ADCY9: variants seen among roughly 807,000 people sequenced by gnomAD.
The protein encoded by ADCY9 is adenylate cyclase 9.
ADCY9 carries 50 observed loss-of-function variants against 101.5 expected under a neutral mutation model. The ratio of observed to expected loss-of-function variants is 0.49; its 90% confidence interval spans 0.39 to 0.62. The LOEUF (loss-of-function observed/expected upper bound fraction) is 0.62. ADCY9 is among the 20% of genes least tolerant of loss of function. ADCY9 has a pLI of 0.00. For missense variants in ADCY9, 1,662 were observed against 1,800.4 expected, an observed-to-expected ratio of 0.92 and a Z score of 1.39; for synonymous variants, 905 against 769.3, an observed-to-expected ratio of 1.18 and a Z score of -2.92.
At chr16:3,991,976 C>T (rs2056247923) in intron 5 of ADCY9, among the ~76,000 whole-genome samples, 170 bp downstream of exon 5, 1 of 151,950 alleles carries the variant, frequency 6.6e-6, no homozygotes, top group South Asian at 2.1e-4. Context: ...GAGGCTGAGG[C>T]AGGAGCATCG....
chr16:3,979,399 C>T (rs1195415696), intron 7 of ADCY9, 124 bp from the exon 8 acceptor site: 2 of 1,184,822 alleles, frequency 1.7e-6, no homozygotes, highest in Non-Finnish European at 2.4e-6. Context: ...CTGGGATGGG[C>T]GTGAGAGCAG....
downstream of ADCY9, among the ~76,000 whole-genome samples, chr16:3,962,127 G>A (rs1031972040): frequency 1.3e-5 from 2 of 152,192 alleles, no homozygotes; most frequent in Non-Finnish European, 2.9e-5. Flanking sequence ...AGATGCGGGA[G>A]TGTGGTGAAC....
intron 2 of ADCY9, among the ~76,000 whole-genome samples, chr16:4,027,214 C>T (rs936756354): frequency 1.3e-5 from 2 of 152,228 alleles, no homozygotes; most frequent in East Asian, 1.9e-4. Flanking sequence ...GCTCCCACTC[C>T]GTGGAGTGTA....
intron 6 of ADCY9, among the ~76,000 whole-genome samples, chr16:3,985,903 G>A (rs146202957): frequency 5.9e-5 from 9 of 152,066 alleles, no homozygotes; most frequent in Non-Finnish European, 7.4e-5. Context: ...TGTGCATCCC[G>A]GGAGTGCCAC....
intron 2 of ADCY9, among the ~76,000 whole-genome samples, chr16:4,084,521 A>T (rs8059483): frequency 0.53 from 81,078 of 151,724 alleles, 22,094 homozygotes; most frequent in African/African-American, 0.62. Flanking sequence ...AGGCCAGGAG[A>T]TTGAAACCAG....
Position 3,966,951 on chromosome 16 carries a change from C to T in ADCY9, c.2886G>A (p.Pro962=), listed in dbSNP as rs543961728. The stretch of plus-strand genomic sequence containing the variant: ...GGTCACGCGGCACCGAACTATTGCA[C>T]GGGTTCCTCTCGGAACTGGAGAGCA... ...AVQNFSSERN[P]CNSSVPRDLR... Residue 962 remains proline, a synonymous_variant, in exon 11 of 11, where the codon CCG becomes CCA. Transcript: ENST00000294016. 8.6e-5 allele frequency: 138 copies of T among 1,611,936 alleles called. No individual in the cohort carries two copies. The Admixed American group carries it at 1.3e-3, about 15-fold the overall frequency.
In ADCY9 at chr16:4,007,355, CAAAA is replaced by C. The variant is rs1170208160; in HGVS notation, c.1884+9_1884+12del. The C allele has an allele frequency of 6.6e-7, 1 of 1,510,124 alleles. No homozygotes were observed. Among genetic ancestry groups the C allele is most frequent in the Admixed American group, 2.4e-5 (1 of 42,518 alleles). 93.5% of individuals were successfully genotyped at this position (1,510,124 alleles called of 1,614,324 possible). A position where few individuals can be genotyped will look rare whatever the true frequency, so the allele number is the denominator to read the frequency against. On this transcript the variant is annotated intron_variant, in intron 3 of 10. Coordinates refer to ENST00000294016, the MANE Select transcript of ADCY9 (RefSeq NM_001116.4). ...AGTTTTAGAAGTAGGAAAAAAAAAA[CAAAA>C]AAACTAACCTTAAGGTTATCAAAGG...
In ADCY9 at chr16:3,965,875, C is replaced by CT. The variant is rs2055987493; in HGVS notation, c.3961dup (p.Arg1321LysfsTer14). On this transcript the variant is annotated frameshift_variant, in exon 11 of 11. Transcript: ENST00000294016. LOFTEE classifies it high-confidence loss of function. ...CTCTATGGCTTTGCCAAATCGACCC[C>CT]TTTCTTCGGCTTTGACGGGCTCCTT... 6.2e-7 allele frequency: 1 copy of CT among 1,614,076 alleles called. No individual in the cohort carries two copies. The highest frequency in any genetic ancestry group is 1.7e-5 in the Admixed American group (1 of 60,010).
intron 2 of ADCY9, among the ~76,000 whole-genome samples, chr16:4,082,489 T>C (rs1187562942): frequency 6.6e-6 from 1 of 152,178 alleles, no homozygotes; most frequent in Non-Finnish European, 1.5e-5. Context: ...CCCACACACC[T>C]ACCTTCCTTA....
intron 3 of ADCY9, among the ~76,000 whole-genome samples, chr16:4,002,222 C>CTA (rs757907274): frequency 2.6e-5 from 4 of 152,144 alleles, no homozygotes; most frequent in African/African-American, 7.2e-5. Flanking sequence ...AATTTCTAAG[C>CTA]TATATATATT....
rs56303992 is a variant in ADCY9, at chr16:4,077,077, C to CAA, written c.1693+36671_1693+36672dup. On this transcript the variant is annotated intron_variant, in intron 2 of 10. Coordinates refer to ENST00000294016, the MANE Select transcript of ADCY9 (RefSeq NM_001116.4). ...GGGGGACAAGGTTGAGACTTCGTCT[C>CAA]AAAAAAAAAAAAAAAGAATCAGCCT... Among the ~76,000 whole-genome samples the CAA allele has an allele frequency of 6.2e-3, 855 of 138,972 alleles. 7 individuals carry two copies. The highest frequency in any genetic ancestry group is 9.8e-3 in the Admixed American group (135 of 13,746). The allele number at this position is 138,972 out of a possible 152,430, so 91.2% of individuals were successfully genotyped here.
At chr16:4,054,204 A>G (rs1471325233) in intron 2 of ADCY9, 1 of 152,170 alleles carries the variant, frequency 6.6e-6, no homozygotes, top group Non-Finnish European at 1.5e-5. Flanking sequence ...TACTTGTGGA[A>G]TTAATTAATT....
chr16:4,068,376 T>C (rs372973569), intron 2 of ADCY9, among the ~76,000 whole-genome samples: 3 of 151,982 alleles, frequency 2.0e-5, no homozygotes, highest in African/African-American at 4.8e-5. Flanking sequence ...CTAATCCCAC[T>C]GTAAAGAACA....
chr16:4,105,610 G>A (rs979004116), intron 2 of ADCY9, among the ~76,000 whole-genome samples: 2 of 151,498 alleles, frequency 1.3e-5, no homozygotes, highest in African/African-American at 4.9e-5. Context: ...CACCCAGGAG[G>A]CAGAGGTTGC....
At chr16:4,035,398 A>T (rs1235561646) in intron 2 of ADCY9, among the ~76,000 whole-genome samples, 1 of 152,244 alleles carries the variant, frequency 6.6e-6, no homozygotes, top group Non-Finnish European at 1.5e-5. Context: ...GGTATTAAAT[A>T]TTATGAGTCA....
rs188642238 is a variant in ADCY9 at position 3,972,986 on chromosome 16, T to C, written c.2870+1683A>G. Among the ~76,000 whole-genome samples, 61 of 152,296 alleles carry C rather than the reference T, an allele frequency of 4.0e-4. No individual in the cohort carries two copies. The East Asian group carries it at 4.0e-3, about 10-fold the overall frequency. Reference sequence around the variant, plus strand: ...TTACTTTTAAGTACTAAAGCTGTAATCATCACTCATTCATTATATCCTAAG... The same window carrying C: ...TTACTTTTAAGTACTAAAGCTGTAACCATCACTCATTCATTATATCCTAAG... On this transcript the variant is annotated intron_variant, in intron 10 of 10. Transcript: ENST00000294016.
intron 7 of ADCY9, 136 bp downstream of exon 7, chr16:3,983,096 A>G (rs2531982): frequency 0.23 from 195,630 of 832,476 alleles, 24,867 homozygotes; most frequent in East Asian, 0.36. Context: ...CGGGGAGGAC[A>G]CGGGGACCCA....
At chr16:4,028,009 T>A (rs986147877) in intron 2 of ADCY9, among the ~76,000 whole-genome samples, 1 of 152,038 alleles carries the variant, frequency 6.6e-6, no homozygotes, top group Admixed American at 6.6e-5. Flanking sequence ...CATGTGGGAA[T>A]TGTGGGAGTC....
chr16:3,969,484 C>T (rs2141674262), intron 10 of ADCY9, among the ~76,000 whole-genome samples: 1 of 145,456 alleles, frequency 6.9e-6, no homozygotes, highest in South Asian at 2.2e-4. Flanking sequence ...AGTGATCTGC[C>T]CGCCTCGACC....
Sources: allele counts gnomAD v4.1 joint callset (sites outside exome capture counted in the v4.1 genomes callset), GRCh38; gene constraint gnomAD v4.1.1; transcripts MANE v1.5; gene names NCBI Gene and HGNC (gene_info 2026-07-23, HGNC 2026-07-21).